SYNPR: variants seen among roughly 807,000 people sequenced by gnomAD.
SYNPR encodes synaptoporin.
SYNPR carries 23 observed loss-of-function variants against 32.9 expected under a neutral mutation model. The observed-to-expected ratio is 0.70, with a 90% confidence interval of 0.50 to 0.99. SYNPR has a LOEUF of 0.99. Ranked by LOEUF, SYNPR falls within the 50% of genes least tolerant of loss-of-function variation. The pLI, the probability that SYNPR is intolerant of heterozygous loss-of-function variation, is 0.00. For missense variants in SYNPR, 318 were observed against 349.3 expected (o/e 0.91, Z 0.71); for synonymous variants, 146 against 135.9 (o/e 1.07, Z -0.52).
intron 2 of SYNPR, 137 bp from the exon 3 acceptor site, chr3:63,480,695 G>T: frequency 8.6e-7 from 1 of 1,158,424 alleles, no homozygotes. Context: ...TCATCTTCCA[G>T]CTGAACCAAG....
intron 3 of SYNPR, among the ~76,000 whole-genome samples, chr3:63,505,271 C>A (rs1212525282): frequency 6.6e-6 from 1 of 152,132 alleles, no homozygotes; most frequent in African/African-American, 2.4e-5. Context: ...TGAATATCGA[C>A]AATTTTATGT....
At chr3:63,224,234 C>T (rs965618572), upstream of SYNPR, among the ~76,000 whole-genome samples, 6 of 152,156 alleles carry the variant, frequency 3.9e-5, no homozygotes, top group African/African-American at 9.7e-5. Context: ...ATTAGATTCT[C>T]ATAGGATTGC....
intron 2 of SYNPR, among the ~76,000 whole-genome samples, chr3:63,474,612 T>C (rs1700865469): frequency 6.6e-6 from 1 of 151,936 alleles, no homozygotes; most frequent in Non-Finnish European, 1.5e-5. Flanking sequence ...AGCTTGGAAT[T>C]GGCCATGGTG....
intron 2 of SYNPR, among the ~76,000 whole-genome samples, chr3:63,383,072 C>T (rs1487800428): frequency 1.3e-5 from 2 of 152,162 alleles, no homozygotes; most frequent in Non-Finnish European, 1.5e-5. Flanking sequence ...AGATGCGAAA[C>T]ATTTAGTCAT....
chr3:63,480,516 G>A (rs954025182), intron 2 of SYNPR, among the ~76,000 whole-genome samples: 1 of 152,084 alleles, frequency 6.6e-6, no homozygotes, highest in Non-Finnish European at 1.5e-5. Flanking sequence ...TGCTATCCAG[G>A]CCTTTGACTA....
At chr3:63,562,946 A>C (rs1702716842) in intron 4 of SYNPR, among the ~76,000 whole-genome samples, 1 of 152,212 alleles carries the variant, frequency 6.6e-6, no homozygotes, top group Admixed American at 6.5e-5. Context: ...AAGGAAAGGA[A>C]GAGTTAATGC....
Position 63,424,018 on chromosome 3 carries a change from T to G in SYNPR, c.85-56814T>G, listed in dbSNP as rs1366588047. Among the ~76,000 whole-genome samples, 4 of 152,172 alleles carry G rather than the reference T, an allele frequency of 2.6e-5. No homozygotes were observed. In the East Asian group the frequency reaches 7.7e-4, roughly 29 times the overall value. On this transcript the variant is annotated intron_variant, in intron 2 of 5. Coordinates refer to ENST00000478300, the MANE Select transcript of SYNPR (RefSeq NM_001130003.2). ...ATCTGAGAAACAGTCTAAAGAGACATCATGAATAAATGTAATGTGGTATCT... is the reference window on the plus strand; with the variant it reads ...ATCTGAGAAACAGTCTAAAGAGACAGCATGAATAAATGTAATGTGGTATCT...
chr3:63,452,572 T>C (rs1019031495), intron 2 of SYNPR, among the ~76,000 whole-genome samples: 1 of 152,158 alleles, frequency 6.6e-6, no homozygotes, highest in African/African-American at 2.4e-5. Flanking sequence ...ATGACATTTA[T>C]GTAGCACTTT....
At chr3:63,575,459 T>C (rs1702960852) in intron 4 of SYNPR, among the ~76,000 whole-genome samples, 1 of 152,004 alleles carries the variant, frequency 6.6e-6, no homozygotes, top group Non-Finnish European at 1.5e-5. Context: ...CACCAAGGGG[T>C]CTCCCTGCTT....
At chr3:63,459,616 A>C (rs1166632935) in intron 2 of SYNPR, among the ~76,000 whole-genome samples, 1 of 152,140 alleles carries the variant, frequency 6.6e-6, no homozygotes, top group Non-Finnish European at 1.5e-5. Flanking sequence ...GATATTCAAC[A>C]AAACTTATTT....
chr3:63,539,997 C>A (rs1702270961), intron 3 of SYNPR, among the ~76,000 whole-genome samples: 1 of 152,084 alleles, frequency 6.6e-6, no homozygotes, highest in African/African-American at 2.4e-5. Context: ...TAGAGGAAGG[C>A]CCTCAAACAG....
rs115439048 is a variant in SYNPR at position 63,608,426 on chromosome 3, T to C, written c.409-699T>C. 6.3e-3 allele frequency among the ~76,000 whole-genome samples: 960 copies of C among 152,298 alleles called. 9 individuals are homozygous for C. Among genetic ancestry groups the C allele is most frequent in the Non-Finnish European group, 0.011 (741 of 68,018 alleles). On this transcript the variant is annotated intron_variant, in intron 4 of 5. Coordinates refer to ENST00000478300, the MANE Select transcript of SYNPR (RefSeq NM_001130003.2). The stretch of plus-strand genomic sequence containing the variant: ...CTTTAAAATGGGCATAAGAATACTG[T>C]CTAATATGATTATTGTAAGAATAAT...
intron 4 of SYNPR, among the ~76,000 whole-genome samples, chr3:63,568,716 A>G (rs1702836383): frequency 6.6e-6 from 1 of 152,152 alleles, no homozygotes; most frequent in Non-Finnish European, 1.5e-5. Flanking sequence ...GCAGATCCTC[A>G]AGGGGAGAGA....
upstream of SYNPR, among the ~76,000 whole-genome samples, chr3:63,273,467 AC>A (rs2086552829): frequency 6.6e-6 from 1 of 152,124 alleles, no homozygotes; most frequent in Non-Finnish European, 1.5e-5. Flanking sequence ...TAATATTAAT[AC>A]TTAATGTATT....
At chr3:63,574,435 G>A (rs775824879) in intron 4 of SYNPR, among the ~76,000 whole-genome samples, 1 of 152,096 alleles carries the variant, frequency 6.6e-6, no homozygotes, top group Non-Finnish European at 1.5e-5. Context: ...TTCCCATGAT[G>A]CCTTGTGTCT....
chr3:63,354,237 G>A (rs571349853), intron 2 of SYNPR, among the ~76,000 whole-genome samples: 54 of 152,294 alleles, frequency 3.5e-4, no homozygotes, highest in Non-Finnish European at 5.6e-4. Context: ...GGGCAACTGG[G>A]ATTTCAGTGG....
intron 2 of SYNPR, among the ~76,000 whole-genome samples, chr3:63,386,006 T>C (rs2088038993): frequency 6.6e-6 from 1 of 152,248 alleles, no homozygotes; most frequent in South Asian, 2.1e-4. Flanking sequence ...TAATTCTGAA[T>C]AGCTAGATGT....
At chr3:63,292,810 C>G (rs576731785) in intron 2 of SYNPR, among the ~76,000 whole-genome samples, 17 of 152,190 alleles carry the variant, frequency 1.1e-4, no homozygotes, top group Non-Finnish European at 1.8e-4. Flanking sequence ...CACATGCACA[C>G]ATATGTTCTT....
chr3:63,513,999 C>T (rs914945764), intron 3 of SYNPR, among the ~76,000 whole-genome samples: 2 of 152,094 alleles, frequency 1.3e-5, no homozygotes, highest in South Asian at 4.1e-4. Context: ...ATCTTCTTCC[C>T]ATGCTCACCA....
Sources: allele counts gnomAD v4.1 joint callset (sites outside exome capture counted in the v4.1 genomes callset), GRCh38; gene constraint gnomAD v4.1.1; transcripts MANE v1.5; gene names NCBI Gene and HGNC (gene_info 2026-07-23, HGNC 2026-07-21).